Variants in KCMF1 observed in about 807,000 individuals in gnomAD.
KCMF1 encodes E3 ubiquitin-protein ligase KCMF1.
In KCMF1, 3 loss-of-function variants were observed where a neutral mutation model predicts 41.1. That is an observed-to-expected ratio of 0.07 (90% CI 0.03 to 0.19). The LOEUF (loss-of-function observed/expected upper bound fraction) is 0.19, where lower values mean the gene tolerates loss of function less well. Ranked by LOEUF, KCMF1 falls within the 10% of genes least tolerant of loss-of-function variation. The pLI, the probability that KCMF1 is intolerant of heterozygous loss-of-function variation, is 1.00. For synonymous variants in KCMF1, 142 were observed against 164.5 expected (o/e 0.86, Z 1.04); for missense variants, 286 against 488.9 (o/e 0.58, Z 3.91).
chr2:85,013,693 G>A (rs1674701363), intron 1 of KCMF1, among the ~76,000 whole-genome samples: 1 of 152,048 alleles, frequency 6.6e-6, no homozygotes, highest in Admixed American at 6.6e-5. Flanking sequence ...AGCTACTCGG[G>A]AGGCTGAGGT....
chr2:85,007,688 T>C (rs1458445368), intron 1 of KCMF1, among the ~76,000 whole-genome samples: 1 of 152,228 alleles, frequency 6.6e-6, no homozygotes, highest in Non-Finnish European at 1.5e-5. Flanking sequence ...CACTGTGTCC[T>C]CAGGTTACAA....
chr2:84,976,888 A>G (rs544495339), intron 1 of KCMF1, among the ~76,000 whole-genome samples: 1 of 152,254 alleles, frequency 6.6e-6, no homozygotes, highest in Admixed American at 6.5e-5. Flanking sequence ...ATTGGCAAAA[A>G]TTGTATATAT....
chr2:85,035,300 A>G (rs983119329), intron 3 of KCMF1, 145 bp downstream of exon 3: 2 of 803,440 alleles, frequency 2.5e-6, no homozygotes, highest in African/African-American at 3.5e-5. Context: ...TTTTAACAGC[A>G]AATTTTATAC....
chr2:85,025,343 C>T (rs1377636560), intron 1 of KCMF1, among the ~76,000 whole-genome samples: 2 of 152,086 alleles, frequency 1.3e-5, no homozygotes, highest in South Asian at 2.1e-4. Flanking sequence ...TTGCAAATGG[C>T]TTATTTTTTT....
chr2:85,021,145 A>G (rs1333544328), intron 1 of KCMF1, among the ~76,000 whole-genome samples: 1 of 152,168 alleles, frequency 6.6e-6, no homozygotes. Flanking sequence ...TACATATTAG[A>G]TAATCGATAT....
intron 6 of KCMF1, 73 bp downstream of exon 6, chr2:85,049,721 T>C: frequency 8.1e-7 from 1 of 1,237,602 alleles, no homozygotes; most frequent in Non-Finnish European, 1.1e-6. Flanking sequence ...AATTATCTTT[T>C]CTCTTTTGTG....
chr2:85,044,424 G>C (rs1675614595), intron 4 of KCMF1, among the ~76,000 whole-genome samples: 1 of 151,998 alleles, frequency 6.6e-6, no homozygotes, highest in Non-Finnish European at 1.5e-5. Flanking sequence ...AGCCAGGCTG[G>C]AGTACAATGG....
intron 1 of KCMF1, among the ~76,000 whole-genome samples, chr2:85,010,930 A>G (rs943886674): frequency 4.1e-5 from 6 of 146,590 alleles, no homozygotes; most frequent in Middle Eastern, 3.5e-3. Flanking sequence ...TGCAACCTCC[A>G]CCTCCCGGGT....
intron 1 of KCMF1, among the ~76,000 whole-genome samples, chr2:85,006,259 C>T (rs1180893707): frequency 6.9e-6 from 1 of 144,762 alleles, no homozygotes; most frequent in Admixed American, 6.9e-5. Context: ...CCTTATATTG[C>T]TTAGAAAGGC....
At chr2:85,006,595 G>T (rs998045046) in intron 1 of KCMF1, among the ~76,000 whole-genome samples, 1 of 151,246 alleles carries the variant, frequency 6.6e-6, no homozygotes. Context: ...CACCGCGCCC[G>T]GCCCTCATTT....
intron 1 of KCMF1, among the ~76,000 whole-genome samples, chr2:84,986,405 CG>C (rs1383353463): frequency 6.6e-6 from 1 of 151,976 alleles, no homozygotes; most frequent in African/African-American, 2.4e-5. Context: ...GAAGAAGTAT[CG>C]TATTTTTATA....
At chr2:85,009,144 G>A (rs1674593077) in intron 1 of KCMF1, among the ~76,000 whole-genome samples, 1 of 152,160 alleles carries the variant, frequency 6.6e-6, no homozygotes, top group African/African-American at 2.4e-5. Context: ...CATGGGGGCA[G>A]ACTTCCCCCT....
chr2:85,033,290 T>C (rs565970060), intron 2 of KCMF1, among the ~76,000 whole-genome samples: 23 of 152,370 alleles, frequency 1.5e-4, no homozygotes, highest in African/African-American at 5.5e-4. Context: ...GTTTGTTTTA[T>C]GCTAAATAAT....
intron 1 of KCMF1, among the ~76,000 whole-genome samples, chr2:84,983,018 T>A (rs1170369997): frequency 1.3e-5 from 2 of 152,248 alleles, no homozygotes; most frequent in Non-Finnish European, 2.9e-5. Flanking sequence ...GTCTTCATTC[T>A]GAGTCAGACA....
chr2:84,993,188 G>GA (rs547127154), intron 1 of KCMF1, among the ~76,000 whole-genome samples: 138 of 119,452 alleles, frequency 1.2e-3, no homozygotes, highest in East Asian at 4.5e-3. Flanking sequence ...CCCTGTGTCA[G>GA]AAAAAAAAAA....
chr2:85,048,293 A>G (rs1314635186), intron 5 of KCMF1, among the ~76,000 whole-genome samples: 2 of 152,196 alleles, frequency 1.3e-5, no homozygotes, highest in African/African-American at 2.4e-5. Flanking sequence ...CAAAGGGAAT[A>G]TTTACCTGCT....
intron 1 of KCMF1, among the ~76,000 whole-genome samples, chr2:84,982,063 G>A (rs542569973): frequency 5.9e-5 from 9 of 152,206 alleles, no homozygotes; most frequent in East Asian, 5.8e-4. Flanking sequence ...GATTACAGGC[G>A]TGAGCCACTG....
rs768361793 is a variant in KCMF1, at chr2:85,053,210, G to A, written c.947G>A (p.Arg316His). The A allele has an allele frequency of 2.8e-5, 45 of 1,613,812 alleles. No homozygotes were observed. The highest frequency in any genetic ancestry group is 6.7e-5 in the East Asian group (3 of 44,900). Reference protein sequence around the residue: ...RQSMESERADRSLFVQELLLS... With the variant: ...RQSMESERADHSLFVQELLLS... ...TCCATGGAAAGCGAGCGTGCAGACC[G>A]CAGCCTGTTTGTCCAAGAGCTCCTT... Residue 316 changes from arginine to histidine, a missense_variant, in exon 7 of 7, where the codon CGC (arginine) becomes CAC (histidine). Physicochemically the swap from Arg to His is conservative, Grantham distance 29. This residue lies in a region of KCMF1 where 191 missense variants were observed against 279.3 expected (regional missense o/e 0.68). Coordinates refer to ENST00000409785, the MANE Select transcript of KCMF1 (RefSeq NM_020122.5).
At chr2:85,043,746 C>G (rs769208399) in intron 4 of KCMF1, 81 bp downstream of exon 4, 1 of 960,670 alleles carries the variant, frequency 1.0e-6, no homozygotes, top group Non-Finnish European at 1.6e-6. Context: ...GACAAGATCT[C>G]GCTGTGTCGA....
Sources: allele counts gnomAD v4.1 joint callset (sites outside exome capture counted in the v4.1 genomes callset), GRCh38; gene constraint gnomAD v4.1.1; regional missense constraint gnomAD v4.1.1; transcripts MANE v1.5; gene names NCBI Gene and HGNC (gene_info 2026-07-23, HGNC 2026-07-21).